TAMM41: variants seen among roughly 807,000 people sequenced by gnomAD.
TAMM41 encodes the protein TAM41 mitochondrial translocator assembly and maintenance homolog, also known as phosphatidate cytidylyltransferase, mitochondrial.
Under a neutral mutation model 44.1 loss-of-function variants are expected in TAMM41, and 36 were observed. The observed-to-expected ratio is 0.82, with a 90% confidence interval of 0.63 to 1.08. The LOEUF is 1.08. Among genes scored for constraint, TAMM41 ranks in the 50% least tolerant of loss-of-function variants. The pLI is 0.00. For missense variants in TAMM41, 417 were observed against 404.3 expected (o/e 1.03, Z -0.27); for synonymous variants, 164 against 153.1 (o/e 1.07, Z -0.53).
the TAMM41 span, among the ~76,000 whole-genome samples, chr3:11,777,478 T>C: frequency 6.6e-6 from 1 of 152,166 alleles, no homozygotes; most frequent in Non-Finnish European, 1.5e-5. Flanking sequence ...TTACATACCA[T>C]AGAATTCAGC....
chr3:11,735,257 C>T, the TAMM41 span, among the ~76,000 whole-genome samples: 1 of 152,096 alleles, frequency 6.6e-6, no homozygotes, highest in African/African-American at 2.4e-5. Context: ...ACTCTGGAGG[C>T]TGCAGCAGGA....
At position 11,844,090 on chromosome 3, in the gene TAMM41, G is replaced by T. The variant is rs748386785; in HGVS notation, c.257C>A (p.Ser86Tyr). 5 of 1,614,086 alleles carry T rather than the reference G, an allele frequency of 3.1e-6. No individual in the cohort carries two copies. The East Asian group carries it at 1.1e-4, about 36-fold the overall frequency. The change falls in exon 2 of 8, where the codon TCC becomes TAC. Residue 86 changes from serine to tyrosine, a missense_variant. By Grantham distance (144) the Ser-to-Tyr change is moderately radical. Transcript: ENST00000455809. ...LKVLGPKIIT[S>Y]IQNNYGAGVY... ...TCCAGCGCCATAGTTATTCTGGATG[G>T]ACGTGATAATCTTGGGCCCTAAAAC... is the stretch of plus-strand genomic sequence containing the variant.
the TAMM41 span, among the ~76,000 whole-genome samples, chr3:11,773,816 G>A: frequency 5.3e-5 from 8 of 152,272 alleles, no homozygotes; most frequent in African/African-American, 1.7e-4. Context: ...GGGGCCGGGT[G>A]CGGTGGCTCA....
the TAMM41 span, among the ~76,000 whole-genome samples, chr3:11,742,375 C>T: frequency 6.7e-6 from 1 of 150,192 alleles, no homozygotes; most frequent in Non-Finnish European, 1.5e-5. Context: ...TTTAGCTTGG[C>T]CTAATTCCTT....
chr3:11,833,170 G>A (rs2079051622), intron 3 of TAMM41: 1 of 1,283,742 alleles, frequency 7.8e-7, no homozygotes. Flanking sequence ...AAAAGAAAGT[G>A]CTCAGATTTG....
At chr3:11,814,010 AC>A (rs1276175793) in intron 5 of TAMM41, among the ~76,000 whole-genome samples, 2 of 151,654 alleles carry the variant, frequency 1.3e-5, no homozygotes, top group African/African-American at 4.8e-5. Flanking sequence ...ACACACACAC[AC>A]ACACACACAT....
chr3:11,797,464 A>G (rs2077633091), intron 7 of TAMM41, among the ~76,000 whole-genome samples: 1 of 152,184 alleles, frequency 6.6e-6, no homozygotes. Flanking sequence ...TCGAAACTGG[A>G]CCCTTCCTCA....
the TAMM41 span, among the ~76,000 whole-genome samples, chr3:11,722,140 C>G: frequency 2.0e-5 from 3 of 152,310 alleles, no homozygotes; most frequent in South Asian, 6.2e-4. Flanking sequence ...CCTAAAGCTG[C>G]CTCTTTAATT....
intron 5 of TAMM41, chr3:11,810,117 A>G (rs1218788216): frequency 6.4e-6 from 1 of 157,074 alleles, no homozygotes; most frequent in Non-Finnish European, 1.4e-5. Context: ...CAATGAGAGT[A>G]AGTGGGATCT....
chr3:11,739,431 G>A, the TAMM41 span, among the ~76,000 whole-genome samples: 1 of 152,158 alleles, frequency 6.6e-6, no homozygotes, highest in Non-Finnish European at 1.5e-5. Context: ...GCTCCCAGGG[G>A]CTGGCTCTTC....
At chr3:11,839,129 A>G (rs955389269) in intron 3 of TAMM41, 93 bp downstream of exon 3, 4 of 722,490 alleles carry the variant, frequency 5.5e-6, no homozygotes, top group Non-Finnish European at 9.2e-6. Context: ...TTCTATTTCC[A>G]GAGTTCCATC....
chr3:11,757,799 C>T, the TAMM41 span, among the ~76,000 whole-genome samples: 8 of 152,222 alleles, frequency 5.3e-5, no homozygotes, highest in African/African-American at 1.7e-4. Context: ...GGGTGACAAT[C>T]ATTCATACAG....
chr3:11,728,627 G>A, the TAMM41 span, among the ~76,000 whole-genome samples: 1 of 152,204 alleles, frequency 6.6e-6, no homozygotes, highest in East Asian at 1.9e-4. Flanking sequence ...GTGAGTAGCT[G>A]TGACCTGAGC....
Position 11,839,301 on chromosome 3 carries a change from C to T in TAMM41, c.332G>A (p.Gly111Glu). 6.2e-7 allele frequency: 1 copy of T among 1,610,114 alleles called. No homozygotes were observed. The highest frequency in any genetic ancestry group is 1.1e-5 in the South Asian group (1 of 90,544). The change falls in exon 3 of 8, where the codon GGA (glycine) becomes GAA (glutamate). Residue 111 changes from glycine to glutamate, a missense_variant. Physicochemically the swap from Gly to Glu is moderately conservative, Grantham distance 98. Coordinates refer to ENST00000455809, the MANE Select transcript of TAMM41 (RefSeq NM_001284401.2). Reference protein sequence around the residue: ...IMCNGRLIKYGVISTNVLIED... With the variant: ...IMCNGRLIKYEVISTNVLIED... ...AATCAGAACGTTAGTGCTAATAACT[C>T]CATATTTGATAAGCTGAAGGAAAAA...
intron 4 of TAMM41, chr3:11,826,667 GAAATA>G (rs1170274917): frequency 1.3e-5 from 2 of 150,304 alleles, no homozygotes; most frequent in South Asian, 2.1e-4. Context: ...TGTGTTTCAG[GAAATA>G]AAATAATGAA....
the TAMM41 span, among the ~76,000 whole-genome samples, chr3:11,766,892 T>C: frequency 6.6e-6 from 1 of 152,072 alleles, no homozygotes; most frequent in Non-Finnish European, 1.5e-5. Flanking sequence ...TAAATTAAGT[T>C]TTTTATTTTG....
the TAMM41 span, among the ~76,000 whole-genome samples, chr3:11,768,701 C>G: frequency 1.3e-5 from 2 of 152,146 alleles, no homozygotes; most frequent in South Asian, 4.1e-4. Context: ...TCTGACTTAT[C>G]CAAATGGTTC....
chr3:11,807,647 T>C (rs1338171293), intron 7 of TAMM41, 186 bp downstream of exon 7: 5 of 1,536,186 alleles, frequency 3.3e-6, no homozygotes, highest in Non-Finnish European at 2.6e-6. Flanking sequence ...TGGTCTGACA[T>C]TGTTCGACCA....
the TAMM41 span, among the ~76,000 whole-genome samples, chr3:11,739,395 G>A: frequency 1.3e-5 from 2 of 152,322 alleles, no homozygotes; most frequent in African/African-American, 4.8e-5. Context: ...TGGGCAATGA[G>A]ATGTGAGCAG....
Sources: gnomAD v4.1 joint callset for allele counts (sites outside exome capture counted in the v4.1 genomes callset) on GRCh38, gnomAD v4.1.1 for gene constraint, MANE v1.5 for transcripts, NCBI Gene and HGNC (gene_info 2026-07-23, HGNC 2026-07-21) for gene names.